Variants in FMR1 observed in about 807,000 individuals in gnomAD.
FMR1 encodes FMRP translational regulator 1.
Under a neutral mutation model 50.6 loss-of-function variants are expected in FMR1, and 13 were observed. That is an observed-to-expected ratio of 0.26 (90% CI 0.17 to 0.41). The LOEUF (loss-of-function observed/expected upper bound fraction) is 0.41. Among genes scored for constraint, FMR1 ranks in the 10% least tolerant of loss-of-function variants. The pLI, the probability that FMR1 is intolerant of heterozygous loss-of-function variation, is 1.00. For synonymous variants in FMR1, 138 were observed against 164.1 expected, an observed-to-expected ratio of 0.84 and a Z score of 1.22; for missense variants, 316 against 491.3, an observed-to-expected ratio of 0.64 and a Z score of 3.37.
Position 147,948,711 on chromosome X carries a change from G to T in FMR1, c.1766G>T (p.Ser589Ile). 1 of 1,211,768 alleles carries T rather than the reference G, an allele frequency of 8.3e-7. No individual in the cohort carries two copies. The highest frequency in any genetic ancestry group is 1.8e-5 in the South Asian group (1 of 57,013). ...QIRVDCNNER[S>I]VHTKTLQNTS... ...AGAGTTGACTGCAATAATGAAAGGA[G>T]TGTCCACACTAAAACATTACAGAAT... is the stretch of plus-strand genomic sequence containing the variant. Residue 589 changes from serine (S) to isoleucine (I), a missense_variant, in exon 17 of 17, where the codon AGT (serine) becomes ATT (isoleucine). Around this residue, in one of 4 missense-constraint regions of FMR1, gnomAD observed 124 missense variants for 160.8 expected, o/e 0.77. Coordinates refer to ENST00000370475, the MANE Select transcript of FMR1 (RefSeq NM_002024.6).
intron 1 of FMR1, among the ~76,000 whole-genome samples, chrX:147,921,011 G>C (rs1453275362): frequency 1.8e-5 from 2 of 111,949 alleles, no homozygotes; most frequent in Non-Finnish European, 3.8e-5. Context: ...GGGAGAAGGA[G>C]TTTGGCTATG....
At position 147,949,022 on chromosome X, in the gene FMR1, A is replaced by T. The variant is rs782402131; in HGVS notation, c.*178A>T. On this transcript the variant is annotated 3_prime_UTR_variant, in exon 17 of 17. Coordinates refer to ENST00000370475, the MANE Select transcript of FMR1 (RefSeq NM_002024.6). Reference sequence around the variant, plus strand: ...ATTGGCCATAAGCAACAATTTTCAGATTTGCACAAAAAGATACCTTAAAAT... The same window carrying T: ...ATTGGCCATAAGCAACAATTTTCAGTTTTGCACAAAAAGATACCTTAAAAT... 3.8e-6 allele frequency: 2 copies of T among 527,451 alleles called. No individual in the cohort carries two copies. Among genetic ancestry groups the T allele is most frequent in the Non-Finnish European group, 6.7e-6 (2 of 300,497 alleles). The allele number at this position is 527,451 out of a possible 1,213,427, so 43.5% of individuals were successfully genotyped here.
At chrX:147,912,611 G>T (rs2042640597) in intron 1 of FMR1, 4 of 305,102 alleles carry the variant, frequency 1.3e-5, no homozygotes, top group Non-Finnish European at 2.3e-5. Flanking sequence ...ATCTCCCAGC[G>T]GGATCCGGGC....
chrX:147,949,125 ATTCT>A lies in FMR1; in HGVS notation c.*284_*287del. 1 of 423,096 alleles carries A rather than the reference ATTCT, an allele frequency of 2.4e-6. No individual in the cohort carries two copies. The allele number at this position is 423,096 out of a possible 1,213,427, so 34.9% of individuals were successfully genotyped here. The stretch of plus-strand genomic sequence containing the variant: ...ATTTTCTAAAGTACTGAGCAGTGAT[ATTCT>A]TTGTTAATTTGGACCATTTTCCTGC... On this transcript the variant is annotated 3_prime_UTR_variant, in exon 17 of 17. Transcript: ENST00000370475.
chrX:147,923,745 C>T (rs1282903744), intron 2 of FMR1, among the ~76,000 whole-genome samples: 2 of 111,906 alleles, frequency 1.8e-5, no homozygotes, highest in African/African-American at 3.3e-5. Flanking sequence ...TGAAATAGAT[C>T]ATTGATTTTT....
At position 147,912,060 on chromosome X, in the gene FMR1, CGGCGGCGGCGGCGGCGGCGGA is replaced by C. The variant is rs1339187510; in HGVS notation, c.-99_-79del. ...GGGGCGTGCGGCAGCGCGGCGGCGG[CGGCGGCGGCGGCGGCGGCGGA>C]GGCGGCGGCGGCGGCGGCGGCGGCG... On this transcript the variant is annotated 5_prime_UTR_variant, in exon 1 of 17. Transcript: ENST00000370475. The C allele has an allele frequency of 1.7e-3, 288 of 173,117 alleles. 2 individuals carry two copies. Among genetic ancestry groups the C allele is most frequent in the Non-Finnish European group, 2.4e-3 (272 of 115,596 alleles). The allele number at this position is 173,117 out of a possible 1,213,427, so 14.3% of individuals were successfully genotyped here. A position where few individuals can be genotyped will look rare whatever the true frequency, so the allele number is the denominator to read the frequency against.
chrX:147,950,422 G>C lies in FMR1; in HGVS notation c.*1578G>C. On this transcript the variant is annotated 3_prime_UTR_variant, in exon 17 of 17. Transcript: ENST00000370475. ...TGTATAGTATTTGAAAACAGAAATT[G>C]GTACCTTGCACACATCATCTGTAAG... 3.0e-6 allele frequency: 1 copy of C among 329,353 alleles called. No individual in the cohort carries two copies. The highest frequency in any genetic ancestry group is 5.9e-6 in the Non-Finnish European group (1 of 169,791). The allele number at this position is 329,353 out of a possible 1,213,427, so 27.1% of individuals were successfully genotyped here. A position where few individuals can be genotyped will look rare whatever the true frequency, so the allele number is the denominator to read the frequency against.
chrX:147,944,925 C>G lies in FMR1; in HGVS notation c.1528C>G (p.Leu510Val). 1.7e-6 allele frequency: 2 copies of G among 1,208,523 alleles called. No homozygotes were observed. The highest frequency in any genetic ancestry group is 2.2e-6 in the Non-Finnish European group (2 of 894,515). The stretch of plus-strand genomic sequence containing the variant: ...AACAGAATCTGACCACAGAGACGAA[C>G]TCAGTGATTGGTCATTAGCTCCAAC... ...SETESDHRDE[L>V]SDWSLAPTEE... The change falls in exon 15 of 17, where the codon CTC becomes GTC. Residue 510 changes from leucine to valine, a missense_variant. Leu to Val is a conservative substitution (Grantham distance 32, BLOSUM62 1). Around this residue, in one of 4 missense-constraint regions of FMR1, gnomAD observed 124 missense variants for 160.8 expected, o/e 0.77. Coordinates refer to ENST00000370475, the MANE Select transcript of FMR1 (RefSeq NM_002024.6).
At chrX:147,945,885 A>G (rs1248769189) in intron 16 of FMR1, among the ~76,000 whole-genome samples, 1 of 110,740 alleles carries the variant, frequency 9.0e-6, no homozygotes, top group East Asian at 2.8e-4. Flanking sequence ...ATTTATTTTT[A>G]TTTTTTTGAG....
At chrX:147,938,911 C>G (rs2043882290) in intron 12 of FMR1, among the ~76,000 whole-genome samples, 1 of 111,653 alleles carries the variant, frequency 9.0e-6, no homozygotes, top group Non-Finnish European at 1.9e-5. Context: ...TTTTAATTTA[C>G]TATTCAGGTC....
intron 7 of FMR1, among the ~76,000 whole-genome samples, chrX:147,931,977 A>G (rs2124519009): frequency 8.9e-6 from 1 of 111,925 alleles, no homozygotes; most frequent in Non-Finnish European, 1.9e-5. Context: ...ATATATACTG[A>G]TACCTTTTAA....
At chrX:147,922,114 T>A (rs1166856271) in intron 2 of FMR1, 129 bp downstream of exon 2, 1 of 473,971 alleles carries the variant, frequency 2.1e-6, no homozygotes, top group African/African-American at 2.4e-5. Flanking sequence ...TGTTACTGAC[T>A]GAGAAGTTTC....
At chrX:147,918,550 A>C (rs782360231) in intron 1 of FMR1, among the ~76,000 whole-genome samples, 1 of 52,647 alleles carries the variant, frequency 1.9e-5, no homozygotes, top group African/African-American at 1.1e-4. Flanking sequence ...CAGAGCCTGC[A>C]AAAGCTTTTT....
chrX:147,948,484 A>G, intron 16 of FMR1, 199 bp from the exon 17 acceptor site: 1 of 1,063,245 alleles, frequency 9.4e-7, no homozygotes, highest in South Asian at 2.5e-5. Flanking sequence ...TGTTCCAGTT[A>G]AAGAAGAAGA....
chrX:147,925,452 C>T, intron 2 of FMR1, 88 bp from the exon 3 acceptor site: 1 of 722,987 alleles, frequency 1.4e-6, no homozygotes, highest in Non-Finnish European at 2.2e-6. Context: ...GAGGGGTCAG[C>T]CTTAACCAAA....
chrX:147,942,951 AG>A (rs1557181212), intron 13 of FMR1, among the ~76,000 whole-genome samples, 179 bp from the exon 14 acceptor site: 2 of 112,171 alleles, frequency 1.8e-5, no homozygotes, highest in Non-Finnish European at 3.8e-5. Context: ...TGTTATCTGT[AG>A]TAATTTTCTT....
At chrX:147,934,277 A>T (rs1457503984) in intron 9 of FMR1, among the ~76,000 whole-genome samples, 2 of 110,121 alleles carry the variant, frequency 1.8e-5, no homozygotes, top group Non-Finnish European at 3.8e-5. Context: ...TGAAGATGGC[A>T]TGATGGTAGT....
At position 147,949,560 on chromosome X, in the gene FMR1, G is replaced by A. The variant is rs1557182998; in HGVS notation, c.*716G>A. ...TTTCCTTACATAAACATCAGGTTAG[G>A]CAGTATAAAGAATAGGACTTGTTTT... On this transcript the variant is annotated 3_prime_UTR_variant, in exon 17 of 17. Coordinates refer to ENST00000370475, the MANE Select transcript of FMR1 (RefSeq NM_002024.6). 3.0e-6 allele frequency: 1 copy of A among 329,238 alleles called. No homozygotes were observed. The highest frequency in any genetic ancestry group is 2.6e-5 in the South Asian group (1 of 38,444). 27.1% of individuals were successfully genotyped at this position (329,238 alleles called of 1,213,427 possible). A position where few individuals can be genotyped will look rare whatever the true frequency, so the allele number is the denominator to read the frequency against.
At chrX:147,928,066 T>C in intron 3 of FMR1, 1 of 306,099 alleles carries the variant, frequency 3.3e-6, no homozygotes, top group Non-Finnish European at 5.7e-6. Context: ...GCACTAATTA[T>C]TGCTGAATTA....
Sources: allele counts gnomAD v4.1 joint callset (sites outside exome capture counted in the v4.1 genomes callset), GRCh38; gene constraint gnomAD v4.1.1; regional missense constraint gnomAD v4.1.1; transcripts MANE v1.5; gene names NCBI Gene and HGNC (gene_info 2026-07-23, HGNC 2026-07-21).